Variants in PIK3C3 observed in about 807,000 individuals in gnomAD.
PIK3C3 encodes the protein PI3-kinase type 3.
In PIK3C3, 95 loss-of-function variants were observed where a neutral mutation model predicts 126.1. The ratio of observed to expected loss-of-function variants is 0.75; its 90% CI spans 0.64 to 0.89. The LOEUF (loss-of-function observed/expected upper bound fraction) is 0.89. Among genes scored for constraint, PIK3C3 ranks in the 40% least tolerant of loss-of-function variants. The pLI, the probability that PIK3C3 is intolerant of heterozygous loss-of-function variation, is 0.00. For synonymous variants in PIK3C3, 374 were observed against 360.0 expected (o/e 1.04, Z -0.44); for missense variants, 829 against 1,063.2 (o/e 0.78, Z 3.06).
At chr18:41,966,369 C>T (rs1056319190) in intron 3 of PIK3C3, among the ~76,000 whole-genome samples, 8 of 151,782 alleles carry the variant, frequency 5.3e-5, no homozygotes, top group African/African-American at 1.7e-4. Flanking sequence ...GGGGTTTCAC[C>T]GTGTTGGCCA....
intron 9 of PIK3C3, among the ~76,000 whole-genome samples, chr18:42,001,618 G>T (rs895564247): frequency 6.6e-6 from 1 of 152,040 alleles, no homozygotes; most frequent in Admixed American, 6.6e-5. Context: ...GTTTACATTT[G>T]TAACATTTAA....
chr18:41,970,692 A>AT (rs1286819459), intron 4 of PIK3C3: 3 of 593,404 alleles, frequency 5.1e-6, no homozygotes, highest in Non-Finnish European at 8.9e-6. Flanking sequence ...TAATTTTAGA[A>AT]TTTTTTCATC....
intron 21 of PIK3C3, among the ~76,000 whole-genome samples, chr18:42,052,265 A>G (rs1386743209): frequency 6.6e-6 from 1 of 152,134 alleles, no homozygotes; most frequent in Non-Finnish European, 1.5e-5. Flanking sequence ...TACTTGTTTA[A>G]TGGAAATTGA....
chr18:42,043,122 C>T (rs1266608637), intron 19 of PIK3C3, among the ~76,000 whole-genome samples: 2 of 147,864 alleles, frequency 1.4e-5, no homozygotes, highest in East Asian at 2.0e-4. Context: ...TTTTGTGAGA[C>T]GGAGTCTTGC....
chr18:42,014,259 A>G (rs1025394480), intron 11 of PIK3C3, among the ~76,000 whole-genome samples: 2 of 151,786 alleles, frequency 1.3e-5, no homozygotes, highest in Non-Finnish European at 1.5e-5. Flanking sequence ...AGGACGGAGC[A>G]TGCTAGTGAG....
At chr18:42,062,631 C>T (rs1252630297) in intron 22 of PIK3C3, among the ~76,000 whole-genome samples, 1 of 152,066 alleles carries the variant, frequency 6.6e-6, no homozygotes, top group African/African-American at 2.4e-5. Context: ...CCTCACTCCC[C>T]TTACCATTTT....
At chr18:42,067,815 A>G (rs1055056869) in intron 24 of PIK3C3, among the ~76,000 whole-genome samples, 22 of 152,188 alleles carry the variant, frequency 1.4e-4, no homozygotes, top group African/African-American at 5.1e-4. Context: ...GGCCTTAGCA[A>G]TTGAAACTTG....
At position 42,020,706 on chromosome 18, in the gene PIK3C3, G is replaced by A. The variant is rs1983281679; in HGVS notation, c.1484+1G>A. 3 of 1,533,418 alleles carry A rather than the reference G, an allele frequency of 2.0e-6. No homozygotes were observed. Among genetic ancestry groups the A allele is most frequent in the Non-Finnish European group, 2.7e-6 (3 of 1,111,084 alleles). The allele number at this position is 1,533,418 out of a possible 1,614,324, so 95.0% of individuals were successfully genotyped here. On this transcript the variant is annotated splice_donor_variant, in intron 13 of 24. Coordinates refer to ENST00000262039, the MANE Select transcript of PIK3C3 (RefSeq NM_002647.4). LOFTEE classifies it high-confidence loss of function. Reference sequence around the variant, plus strand: ...CAACACTGGCTAATTATTTATACTGGTATGTAAAAATAATTTTCTGTTTAT... The same window carrying A: ...CAACACTGGCTAATTATTTATACTGATATGTAAAAATAATTTTCTGTTTAT...
intron 23 of PIK3C3, among the ~76,000 whole-genome samples, 199 bp from the exon 24 acceptor site, chr18:42,067,189 G>A (rs549708116): frequency 2.0e-5 from 3 of 152,154 alleles, no homozygotes; most frequent in East Asian, 3.9e-4. Context: ...AGAACAAGGT[G>A]ATATACAGAG....
chr18:42,060,974 G>A (rs1177820222), intron 22 of PIK3C3, among the ~76,000 whole-genome samples: 1 of 152,070 alleles, frequency 6.6e-6, no homozygotes, highest in Non-Finnish European at 1.5e-5. Flanking sequence ...TGCTGTCATG[G>A]AAAATAGAAT....
At chr18:42,014,792 A>T (rs189091588) in intron 11 of PIK3C3, among the ~76,000 whole-genome samples, 2 of 152,298 alleles carry the variant, frequency 1.3e-5, no homozygotes. Flanking sequence ...TGGTTATGCT[A>T]TGCTTTATGT....
chr18:42,021,952 T>C (rs1983342349), intron 13 of PIK3C3, among the ~76,000 whole-genome samples: 1 of 152,202 alleles, frequency 6.6e-6, no homozygotes, highest in South Asian at 2.1e-4. Context: ...TGAATAATGA[T>C]GAGGTATTTT....
At chr18:41,963,163 T>C (rs1486034129) in intron 3 of PIK3C3, among the ~76,000 whole-genome samples, 6 of 152,220 alleles carry the variant, frequency 3.9e-5, no homozygotes, top group Non-Finnish European at 4.4e-5. Flanking sequence ...GGACTCAGTC[T>C]GTCTTTAGAG....
At position 41,990,561 on chromosome 18, in the gene PIK3C3, C is replaced by T; in HGVS notation, c.714+7C>T. ...TATTGTTTATTATGAAAAGGTATTT[C>T]CCTTGGAACTGTTTTTGGTCTCTAA... On this transcript the variant is annotated splice_region_variant and intron_variant, in intron 6 of 24. Coordinates refer to ENST00000262039, the MANE Select transcript of PIK3C3 (RefSeq NM_002647.4). 4.8e-6 allele frequency: 7 copies of T among 1,451,722 alleles called. No homozygotes were observed. Among genetic ancestry groups the T allele is most frequent in the Non-Finnish European group, 6.8e-6 (7 of 1,035,924 alleles). 89.9% of individuals were successfully genotyped at this position (1,451,722 alleles called of 1,614,324 possible).
At chr18:41,998,254 A>G (rs1170576991) in intron 9 of PIK3C3, among the ~76,000 whole-genome samples, 1 of 152,156 alleles carries the variant, frequency 6.6e-6, no homozygotes, top group Non-Finnish European at 1.5e-5. Context: ...TCTCTTCATC[A>G]CTGAAGAAAA....
intron 20 of PIK3C3, among the ~76,000 whole-genome samples, chr18:42,046,751 G>T (rs1393899801): frequency 6.6e-6 from 1 of 151,968 alleles, no homozygotes; most frequent in Admixed American, 6.6e-5. Flanking sequence ...CAAATGTTTT[G>T]TTGTTATTTT....
chr18:42,000,447 T>TA (rs1176442339), intron 9 of PIK3C3, among the ~76,000 whole-genome samples: 6 of 152,028 alleles, frequency 3.9e-5, no homozygotes, highest in African/African-American at 1.4e-4. Flanking sequence ...TATACTGACT[T>TA]AGAGAACAGT....
rs1986328091 is a variant in PIK3C3, at chr18:42,083,721, T to C, written c.*2584T>C. The C allele has an allele frequency of 6.6e-6, 1 of 152,178 alleles. No individual in the cohort carries two copies. Among genetic ancestry groups the C allele is most frequent in the Non-Finnish European group, 1.5e-5 (1 of 68,030 alleles). 9.4% of individuals were successfully genotyped at this position (152,178 alleles called of 1,614,324 possible). A position where few individuals can be genotyped will look rare whatever the true frequency, so the allele number is the denominator to read the frequency against. ...CATTATTCTGTGAGATAGAATTGTC[T>C]CCTCATTTTTTAGTTGAAATAACTG... On this transcript the variant is annotated 3_prime_UTR_variant, in exon 25 of 25. Coordinates refer to ENST00000262039, the MANE Select transcript of PIK3C3 (RefSeq NM_002647.4).
At chr18:41,998,652 G>T (rs529446753) in intron 9 of PIK3C3, among the ~76,000 whole-genome samples, 1 of 152,254 alleles carries the variant, frequency 6.6e-6, no homozygotes, top group South Asian at 2.1e-4. Flanking sequence ...TTTTCGAAAG[G>T]TGAGTGATGA....
Sources: allele counts gnomAD v4.1 joint callset (sites outside exome capture counted in the v4.1 genomes callset), GRCh38; gene constraint gnomAD v4.1.1; transcripts MANE v1.5; gene names NCBI Gene and HGNC (gene_info 2026-07-23, HGNC 2026-07-21).